Variants in LRBA observed in about 807,000 individuals in gnomAD.
LRBA encodes lipopolysaccharide-responsive and beige-like anchor protein.
In LRBA, 176 loss-of-function variants were observed where a neutral mutation model predicts 330.0. The observed-to-expected ratio is 0.53, with a 90% CI of 0.47 to 0.60. The LOEUF is 0.60. Among genes scored for constraint, LRBA ranks in the 20% least tolerant of loss-of-function variants. LRBA has a pLI of 0.00. For missense variants in LRBA, 3,259 were observed against 3,444.8 expected (o/e 0.95, Z 1.35); for synonymous variants, 1,230 against 1,193.0 (o/e 1.03, Z -0.64).
Position 150,905,727 on chromosome 4 carries a change from A to G in LRBA, c.1755+111T>C, listed in dbSNP as rs374900030. 2.2e-5 allele frequency: 20 copies of G among 894,232 alleles called. No individual in the cohort carries two copies. In the African/African-American group the frequency reaches 2.8e-4, roughly 13 times the overall value. The allele number at this position is 894,232 out of a possible 1,614,324, so 55.4% of individuals were successfully genotyped here. A position where few individuals can be genotyped will look rare whatever the true frequency, so the allele number is the denominator to read the frequency against. On this transcript the variant is annotated intron_variant, in intron 13 of 56. Coordinates refer to ENST00000651943, the MANE Select transcript of LRBA (RefSeq NM_001364905.1). The stretch of plus-strand genomic sequence containing the variant: ...TTAGTCAAAAAAAGCAATCCACTGA[A>G]GTCTTGCATAATAGTACATAAAAAA...
intron 40 of LRBA, among the ~76,000 whole-genome samples, chr4:150,528,530 A>C (rs1763722838): frequency 6.6e-6 from 1 of 151,760 alleles, no homozygotes; most frequent in Admixed American, 6.6e-5. Context: ...TACTTTCTTA[A>C]TTTCCATAAA....
intron 36 of LRBA, among the ~76,000 whole-genome samples, chr4:150,694,617 C>A (rs530775253): frequency 3.3e-5 from 5 of 152,166 alleles, no homozygotes; most frequent in Admixed American, 2.6e-4. Flanking sequence ...TGTCATGCAA[C>A]GACTCAAAGT....
At chr4:150,901,159 C>T (rs926252055) in intron 13 of LRBA, among the ~76,000 whole-genome samples, 2 of 151,876 alleles carry the variant, frequency 1.3e-5, no homozygotes, top group Non-Finnish European at 2.9e-5. Flanking sequence ...ATTAGCCGGG[C>T]GTGATGGTAC....
At chr4:150,850,956 T>G (rs1750544393) in intron 23 of LRBA, 54 bp from the exon 24 acceptor site, 2 of 1,317,286 alleles carry the variant, frequency 1.5e-6, no homozygotes, top group Admixed American at 4.2e-5. Context: ...GCAGGAGGCT[T>G]TAGCAAAGTA....
chr4:150,501,533 G>C (rs1316850819), intron 40 of LRBA, among the ~76,000 whole-genome samples: 1 of 151,898 alleles, frequency 6.6e-6, no homozygotes. Context: ...AATCACTTGG[G>C]CCTGGGATGC....
chr4:150,513,719 A>G (rs1762062957), intron 40 of LRBA, among the ~76,000 whole-genome samples: 1 of 152,070 alleles, frequency 6.6e-6, no homozygotes, highest in Non-Finnish European at 1.5e-5. Flanking sequence ...TTTCTCTTTC[A>G]TCGTCTTCTT....
At chr4:150,396,489 C>T (rs901889901) in intron 47 of LRBA, among the ~76,000 whole-genome samples, 7 of 151,150 alleles carry the variant, frequency 4.6e-5, no homozygotes, top group African/African-American at 1.7e-4. Flanking sequence ...CTCACACACA[C>T]ACACACACAC....
intron 36 of LRBA, among the ~76,000 whole-genome samples, chr4:150,695,386 G>A (rs1784532530): frequency 1.3e-5 from 2 of 152,170 alleles, no homozygotes; most frequent in South Asian, 4.1e-4. Flanking sequence ...GCAGTGACAT[G>A]ATCACAACTC....
chr4:150,471,310 T>C (rs1192333546), intron 43 of LRBA, among the ~76,000 whole-genome samples: 1 of 152,134 alleles, frequency 6.6e-6, no homozygotes, highest in East Asian at 1.9e-4. Flanking sequence ...TGAAACCTTA[T>C]TTTCTCCTTA....
At position 150,265,793 on chromosome 4, in the gene LRBA, C is replaced by T; in HGVS notation, c.8488G>A (p.Ala2830Thr). The change falls in exon 57 of 57, where the codon GCT becomes ACT. Residue 2830 changes from alanine to threonine, a missense_variant. Physicochemically the swap from Ala to Thr is moderately conservative, Grantham distance 58 (BLOSUM62 0). Coordinates refer to ENST00000651943, the MANE Select transcript of LRBA (RefSeq NM_001364905.1). ...YDQRCIISGMASGSIVLFYND... is the reference protein window; with the variant it reads ...YDQRCIISGMTSGSIVLFYND... The stretch of plus-strand genomic sequence containing the variant: ...TAAAATAGCACAATGCTTCCTGAAG[C>T]CATGCCAGAAATGATGCACCTAGGA... The T allele has an allele frequency of 1.9e-6, 3 of 1,612,696 alleles. No individual in the cohort carries two copies. The highest frequency in any genetic ancestry group is 2.5e-6 in the Non-Finnish European group (3 of 1,178,810).
At position 150,848,964 on chromosome 4, in the gene LRBA, A is replaced by C; in HGVS notation, c.4193T>G (p.Leu1398Arg). ...AAATGTCACAGAGGCTTCTATTGAA[A>C]GGCCTTGAGTAGGTTCAATATTTTC... is the stretch of plus-strand genomic sequence containing the variant. The part of the protein sequence containing the change: ...ELENIEPTQG[L>R]SIEASVTFLQ... The change falls in exon 26 of 57, where the codon CTT (leucine) becomes CGT (arginine). Residue 1398 changes from leucine (L) to arginine (R), a missense_variant. Coordinates refer to ENST00000651943, the MANE Select transcript of LRBA (RefSeq NM_001364905.1). 2 of 1,611,028 alleles carry C rather than the reference A, an allele frequency of 1.2e-6. No homozygotes were observed. The highest frequency in any genetic ancestry group is 2.2e-5 in the South Asian group (2 of 90,392).
Position 150,900,194 on chromosome 4 carries a change from A to T in LRBA, c.1779T>A (p.Tyr593Ter). Residue 593 changes from tyrosine (Y) to a stop codon, truncating the protein, a stop_gained, in exon 14 of 57, where the codon TAT becomes TAA. Transcript: ENST00000651943. LOFTEE classifies it high-confidence loss of function. ...CTGTACCAATGAATTCCGTGGACAG[A>T]TAAGTATAGAGCATCAGTTGAACCT... ...PAKVQLMLYT[Y>*]LSTEFIGTVN... The T allele has an allele frequency of 6.2e-7, 1 of 1,612,696 alleles. No homozygotes were observed. The highest frequency in any genetic ancestry group is 8.5e-7 in the Non-Finnish European group (1 of 1,179,156).
At chr4:150,958,293 A>G (rs1737764775) in intron 2 of LRBA, among the ~76,000 whole-genome samples, 1 of 149,192 alleles carries the variant, frequency 6.7e-6, no homozygotes, top group South Asian at 2.1e-4. Flanking sequence ...GACACCACAC[A>G]TAGGCCATCA....
intron 36 of LRBA, among the ~76,000 whole-genome samples, chr4:150,707,119 C>G (rs945380368): frequency 1.8e-4 from 27 of 151,142 alleles, no homozygotes; most frequent in Non-Finnish European, 3.3e-4. Context: ...ATAAAGAAAC[C>G]CTGAAAAATT....
At chr4:150,469,209 A>G (rs962170979) in intron 43 of LRBA, among the ~76,000 whole-genome samples, 3 of 152,158 alleles carry the variant, frequency 2.0e-5, no homozygotes, top group African/African-American at 7.2e-5. Flanking sequence ...CTCAATACAC[A>G]GTTATTGAAT....
chr4:150,907,125 T>G (rs1163865144), intron 11 of LRBA, among the ~76,000 whole-genome samples: 2 of 140,874 alleles, frequency 1.4e-5, no homozygotes, highest in Non-Finnish European at 3.0e-5. Context: ...CAGAGAGAAG[T>G]CCCACAAAAC....
chr4:150,944,033 C>CTACA (rs1318563996), intron 2 of LRBA, among the ~76,000 whole-genome samples: 2 of 152,326 alleles, frequency 1.3e-5, no homozygotes, highest in African/African-American at 4.8e-5. Flanking sequence ...GTAAGTAACC[C>CTACA]TGAAAGCAAG....
chr4:150,743,502 T>C (rs1031242047), intron 35 of LRBA, among the ~76,000 whole-genome samples: 10 of 152,196 alleles, frequency 6.6e-5, no homozygotes, highest in African/African-American at 1.9e-4. Context: ...CAATATGAGC[T>C]TGGGGAACAT....
At chr4:150,430,458 T>A (rs1045821180) in intron 46 of LRBA, among the ~76,000 whole-genome samples, 1 of 152,168 alleles carries the variant, frequency 6.6e-6, no homozygotes, top group African/African-American at 2.4e-5. Flanking sequence ...CTTCCTTCTC[T>A]TCATTTCAGA....
Sources: gnomAD v4.1 joint callset for allele counts (sites outside exome capture counted in the v4.1 genomes callset) on GRCh38, gnomAD v4.1.1 for gene constraint, MANE v1.5 for transcripts, NCBI Gene and HGNC (gene_info 2026-07-23, HGNC 2026-07-21) for gene names.